The following HPS1 variants were observed in gnomAD, a reference collection of about 807,000 sequenced individuals.
HPS1 encodes HPS1 biogenesis of lysosomal organelles complex 3 subunit 1.
HPS1 carries 59 observed loss-of-function variants against 90.6 expected under a neutral mutation model. That is an observed-to-expected ratio of 0.65 (90% CI 0.53 to 0.81). HPS1 has a LOEUF of 0.81. Among genes scored for constraint, HPS1 ranks in the 30% least tolerant of loss-of-function variants. The pLI is 0.00. For missense variants in HPS1, 849 were observed against 896.7 expected (o/e 0.95, Z 0.68); for synonymous variants, 388 against 384.4 (o/e 1.01, Z -0.11).
downstream of HPS1, chr10:98,415,087 A>G: frequency 6.2e-7 from 1 of 1,613,982 alleles, no homozygotes; most frequent in Non-Finnish European, 8.5e-7. Flanking sequence ...CACGCCGGGA[A>G]GGGAGAGGCG....
Position 98,426,005 on chromosome 10 carries a change from G to T in HPS1, c.988-20C>A. ...TGCTATCTACAGAGGAAGAAGAGCT[G>T]CAGTGAGAGGTGGGATCCCTAAGTT... On this transcript the variant is annotated intron_variant, in intron 11 of 19. Coordinates refer to ENST00000361490, the MANE Select transcript of HPS1 (RefSeq NM_000195.5). 1 of 1,612,368 alleles carries T rather than the reference G, an allele frequency of 6.2e-7. No individual in the cohort carries two copies. Among genetic ancestry groups the T allele is most frequent in the African/African-American group, 1.3e-5 (1 of 75,050 alleles).
intron 6 of HPS1, among the ~76,000 whole-genome samples, chr10:98,431,695 G>T (rs1846499127): frequency 6.6e-6 from 1 of 152,120 alleles, no homozygotes; most frequent in Non-Finnish European, 1.5e-5. Flanking sequence ...AGAGAACACT[G>T]CAAGTCAAGG....
At chr10:98,418,446 A>C (rs1345581228) in intron 18 of HPS1, among the ~76,000 whole-genome samples, 189 bp from the exon 19 acceptor site, 1 of 152,240 alleles carries the variant, frequency 6.6e-6, no homozygotes, top group Non-Finnish European at 1.5e-5. Flanking sequence ...GAGAAAAAGT[A>C]TACAAAGCTT....
At position 98,417,788 on chromosome 10, in the gene HPS1, G is replaced by A. The variant is rs1844295899; in HGVS notation, c.1941-62C>T. 6.7e-7 allele frequency: 1 copy of A among 1,488,120 alleles called. No homozygotes were observed. The highest frequency in any genetic ancestry group is 9.4e-7 in the Non-Finnish European group (1 of 1,068,226). The allele number at this position is 1,488,120 out of a possible 1,614,324, so 92.2% of individuals were successfully genotyped here. ...GCTGTGGCACTCCTCCAGCGCCAGAGGCCTCTCTGGGCCCTCGCAAGCAAA... is the reference window on the plus strand; with the variant it reads ...GCTGTGGCACTCCTCCAGCGCCAGAAGCCTCTCTGGGCCCTCGCAAGCAAA... On this transcript the variant is annotated intron_variant, in intron 19 of 19. Coordinates refer to ENST00000361490, the MANE Select transcript of HPS1 (RefSeq NM_000195.5). This position sits in a 1 kb window ranked among gnomAD's most constrained non-coding sequence, Gnocchi z 4.2.
At chr10:98,424,600 G>T (rs1845348624) in intron 13 of HPS1, among the ~76,000 whole-genome samples, 1 of 151,924 alleles carries the variant, frequency 6.6e-6, no homozygotes, top group African/African-American at 2.4e-5. Context: ...GTTTCCAGGG[G>T]CTCGCTGTCT....
At position 98,425,842 on chromosome 10, in the gene HPS1, G is replaced by A. The variant is rs747217320; in HGVS notation, c.1131C>T (p.Gly377=). 5 of 1,614,006 alleles carry A rather than the reference G, an allele frequency of 3.1e-6. No homozygotes were observed. Among genetic ancestry groups the A allele is most frequent in the Non-Finnish European group, 4.2e-6 (5 of 1,179,956 alleles). ...HTMYCLPLWQ[G]INLVLLTRSP... ...CCCTGGTCAGGAGCACCAGGTTGATGCCCTGCCACAGGGGCAGGCAGTACA... is the reference window on the plus strand; with the variant it reads ...CCCTGGTCAGGAGCACCAGGTTGATACCCTGCCACAGGGGCAGGCAGTACA... Residue 377 remains glycine, a synonymous_variant, in exon 12 of 20, where the codon GGC becomes GGT. Coordinates refer to ENST00000361490, the MANE Select transcript of HPS1 (RefSeq NM_000195.5).
At chr10:98,427,406 TG>T in intron 10 of HPS1, 142 bp from the exon 11 acceptor site, 1 of 693,056 alleles carries the variant, frequency 1.4e-6, no homozygotes, top group Non-Finnish European at 2.5e-6. Flanking sequence ...CTAATGTGGC[TG>T]GGGCAACACC....
rs771029061 is a variant in HPS1, at chr10:98,429,602, G to T, written c.908C>A (p.Pro303Gln). ...GCTCTGATCGCCAGGGGAAGGAGCT[G>T]GTGTGAAGTACTCCTCAGGGAGGGA... ...SFSLPEEYFT[P>Q]APSPGDQSSG... Residue 303 changes from proline (P) to glutamine (Q), a missense_variant, in exon 10 of 20, where the codon CCA becomes CAA. Physicochemically the swap from Pro to Gln is moderately conservative, Grantham distance 76. Coordinates refer to ENST00000361490, the MANE Select transcript of HPS1 (RefSeq NM_000195.5). 4.3e-6 allele frequency: 7 copies of T among 1,614,094 alleles called. No individual in the cohort carries two copies. Among genetic ancestry groups the T allele is most frequent in the Non-Finnish European group, 5.1e-6 (6 of 1,180,040 alleles).
intron 6 of HPS1, among the ~76,000 whole-genome samples, chr10:98,433,204 C>G (rs1220976620): frequency 6.7e-6 from 1 of 150,332 alleles, no homozygotes; most frequent in Non-Finnish European, 1.5e-5. Flanking sequence ...TGCACTCCAG[C>G]CTGGGCAACA....
chr10:98,421,845 T>A (rs918450872), intron 17 of HPS1, among the ~76,000 whole-genome samples: 1 of 152,186 alleles, frequency 6.6e-6, no homozygotes, highest in Admixed American at 6.5e-5. Context: ...CAAAGCCACA[T>A]AACTGGTGGG....
intron 18 of HPS1, among the ~76,000 whole-genome samples, chr10:98,419,594 G>A (rs906339094): frequency 4.6e-5 from 7 of 152,310 alleles, no homozygotes; most frequent in South Asian, 2.1e-4. Flanking sequence ...CCAGGGCCCC[G>A]AGCCACACCA....
At chr10:98,443,280 C>T (rs770757375) in intron 2 of HPS1, 40 bp from the exon 3 acceptor site, 2 of 1,456,524 alleles carry the variant, frequency 1.4e-6, no homozygotes, top group Non-Finnish European at 1.9e-6. Flanking sequence ...CCTCCAGCCC[C>T]AACATCTATG....
At chr10:98,433,310 G>T (rs145740187) in intron 6 of HPS1, among the ~76,000 whole-genome samples, 1 of 152,016 alleles carries the variant, frequency 6.6e-6, no homozygotes, top group African/African-American at 2.4e-5. Flanking sequence ...TGAAAGTGAG[G>T]CCCAGTAACC....
chr10:98,444,426 G>A lies in HPS1; in HGVS notation c.-1+874C>T, dbSNP rs137874126. On this transcript the variant is annotated intron_variant, in intron 2 of 19. Transcript: ENST00000361490. The stretch of plus-strand genomic sequence containing the variant: ...TCTAAAACTTGGGGCAGCCTGACCA[G>A]GCTGGTGAGGACAGTGCTCCAGGCT... Among the ~76,000 whole-genome samples, 1,125 of 152,338 alleles carry A rather than the reference G, an allele frequency of 7.4e-3. 12 individuals are homozygous for A. Among genetic ancestry groups the A allele is most frequent in the African/African-American group, 0.026 (1,066 of 41,564 alleles).
rs748224372 is a variant in HPS1, at chr10:98,425,707, G to A, written c.1169C>T (p.Pro390Leu). ...LVLLTRSPSA[P>L]LALVLSQLMD... ...CAGCTGGGACAGAACCAGGGCCAGG[G>A]GCGCGCTGGGGCTCTGAGGGTAAGG... Residue 390 changes from proline to leucine, a missense_variant, in exon 13 of 20, where the codon CCC (proline) becomes CTC (leucine). Pro to Leu is a moderately conservative substitution (Grantham distance 98, BLOSUM62 -3). Transcript: ENST00000361490. The A allele has an allele frequency of 1.2e-6, 2 of 1,609,834 alleles. No homozygotes were observed. Among genetic ancestry groups the A allele is most frequent in the Admixed American group, 1.7e-5 (1 of 59,880 alleles).
Position 98,418,262 on chromosome 10 carries a change from G to T in HPS1, c.1858-5C>A. The T allele has an allele frequency of 6.3e-7, 1 of 1,593,592 alleles. No individual in the cohort carries two copies. The highest frequency in any genetic ancestry group is 8.6e-7 in the Non-Finnish European group (1 of 1,164,346). On this transcript the variant is annotated splice_polypyrimidine_tract_variant and splice_region_variant and intron_variant, in intron 18 of 19. Transcript: ENST00000361490. ...GATCATCTGGAGTTTGTACCCCTGA[G>T]GAGGGAGGACAGGGAGGCAGTGGGT...
In HPS1 at chr10:98,424,177, C is replaced by T. The variant is rs935488616; in HGVS notation, c.1397+136G>A. 8.9e-6 allele frequency: 7 copies of T among 787,590 alleles called. No individual in the cohort carries two copies. The East Asian group carries it at 1.3e-4, about 15-fold the overall frequency. 48.8% of individuals were successfully genotyped at this position (787,590 alleles called of 1,614,324 possible). ...CCCAGCTTCTCCACGCGGTGCTCCA[C>T]GTATGTGGGAAGAAATCTCCTTTCT... On this transcript the variant is annotated intron_variant, in intron 14 of 19. Transcript: ENST00000361490.
chr10:98,421,399 T>C (rs1844832389), intron 17 of HPS1, among the ~76,000 whole-genome samples: 1 of 152,244 alleles, frequency 6.6e-6, no homozygotes. Context: ...AAATAATCTG[T>C]ATGTCTAAAC....
In HPS1 at chr10:98,423,742, A is replaced by G. The variant is rs1195124869; in HGVS notation, c.1532+11T>C. On this transcript the variant is annotated intron_variant, in intron 15 of 19. Coordinates refer to ENST00000361490, the MANE Select transcript of HPS1 (RefSeq NM_000195.5). ...CTGCCCTGGCCACCCAGGGGGCCGCACTGCACTTACCGCATGAGCCTCTGC... is the reference window on the plus strand; with the variant it reads ...CTGCCCTGGCCACCCAGGGGGCCGCGCTGCACTTACCGCATGAGCCTCTGC... 2 of 1,614,050 alleles carry G rather than the reference A, an allele frequency of 1.2e-6. No homozygotes were observed. The highest frequency in any genetic ancestry group is 2.7e-5 in the African/African-American group (2 of 75,050).
Sources: allele counts gnomAD v4.1 joint callset (sites outside exome capture counted in the v4.1 genomes callset), GRCh38; gene constraint gnomAD v4.1.1; non-coding constraint Gnocchi (gnomAD v3.1); transcripts MANE v1.5; gene names NCBI Gene and HGNC (gene_info 2026-07-23, HGNC 2026-07-21).